SCUBE1: variants seen among roughly 807,000 people sequenced by gnomAD.
SCUBE1 encodes signal peptide, CUB domain and EGF like domain containing 1, also known as signal peptide, CUB and EGF-like domain-containing protein 1.
In SCUBE1, 59 loss-of-function variants were observed where a neutral mutation model predicts 124.4. The observed-to-expected ratio is 0.47, with a 90% CI of 0.38 to 0.59. SCUBE1 has a LOEUF of 0.59. SCUBE1 is among the 20% of genes least tolerant of loss of function. The pLI, the probability that SCUBE1 is intolerant of heterozygous loss-of-function variation, is 0.00. For missense variants in SCUBE1, 1,150 were observed against 1,371.2 expected (o/e 0.84, Z 2.55); for synonymous variants, 545 against 550.9 (o/e 0.99, Z 0.15).
intron 4 of SCUBE1, among the ~76,000 whole-genome samples, chr22:43,290,353 T>TCCTCCAA (rs1925311330): frequency 6.6e-6 from 1 of 152,170 alleles, no homozygotes; most frequent in African/African-American, 2.4e-5. Flanking sequence ...CCTGGCTTTC[T>TCCTCCAA]GGACAGCTCT....
In SCUBE1 at chr22:43,202,679, A is replaced by C. The variant is rs1921053334; in HGVS notation, c.*1318T>G. The C allele has an allele frequency of 6.6e-6, 1 of 152,156 alleles. No homozygotes were observed. Among genetic ancestry groups the C allele is most frequent in the South Asian group, 2.1e-4 (1 of 4,828 alleles). The allele number at this position is 152,156 out of a possible 1,614,324, so 9.4% of individuals were successfully genotyped here. ...CCCCTTCACCCTCCGCCATGATTGT[A>C]AGTTTCCTGAGGCCTCCCAAGCCAT... On this transcript the variant is annotated 3_prime_UTR_variant, in exon 22 of 22. Coordinates refer to ENST00000360835, the MANE Select transcript of SCUBE1 (RefSeq NM_173050.5).
At chr22:43,238,581 G>A in intron 7 of SCUBE1, 2 of 607,942 alleles carry the variant, frequency 3.3e-6, no homozygotes. Context: ...TCTGACATCA[G>A]TGCCTTTTTG....
chr22:43,266,643 C>A (rs1569002243), intron 4 of SCUBE1, among the ~76,000 whole-genome samples: 1 of 152,194 alleles, frequency 6.6e-6, no homozygotes, highest in Non-Finnish European at 1.5e-5. Flanking sequence ...GGGCTCCCAG[C>A]CTAAGTTCTC....
chr22:43,281,476 ACCTCCCTCTTTG>A (rs1377519277), intron 4 of SCUBE1, among the ~76,000 whole-genome samples: 31 of 54,712 alleles, frequency 5.7e-4, no homozygotes, highest in African/African-American at 3.1e-3. Flanking sequence ...CCCTCCTGTC[ACCTCCCTCTTTG>A]GCCACCCTCC....
intron 4 of SCUBE1, among the ~76,000 whole-genome samples, chr22:43,280,712 C>T (rs535988322): frequency 2.1e-3 from 137 of 64,956 alleles, no homozygotes; most frequent in Non-Finnish European, 3.1e-3. Flanking sequence ...CCTTCCTCCT[C>T]GGCCACCCTC....
chr22:43,306,899 G>A (rs561725396), intron 3 of SCUBE1, among the ~76,000 whole-genome samples: 18 of 152,322 alleles, frequency 1.2e-4, no homozygotes, highest in African/African-American at 4.1e-4. Flanking sequence ...CGCTGGCCGA[G>A]GGAGACAGGG....
Position 43,218,282 on chromosome 22 carries a change from C to T in SCUBE1, c.1864G>A (p.Gly622Ser), listed in dbSNP as rs1601803800. 1.2e-6 allele frequency: 2 copies of T among 1,613,204 alleles called. No homozygotes were observed. Among genetic ancestry groups the T allele is most frequent in the Non-Finnish European group, 1.7e-6 (2 of 1,179,996 alleles). The change falls in exon 15 of 22, where the codon GGC becomes AGC. Residue 622 changes from glycine to serine, a missense_variant. Physicochemically the swap from Gly to Ser is moderately conservative, Grantham distance 56. Transcript: ENST00000360835. ...CATTTGCTGTCCTGTAGCACCTGGCCTGCGCCACATGCCCCCTGCCCCTCC... is the reference window on the plus strand; with the variant it reads ...CATTTGCTGTCCTGTAGCACCTGGCTTGCGCCACATGCCCCCTGCCCCTCC... ...ALEGQGACGA[G>S]QVLQDSKCVA...
intron 2 of SCUBE1, among the ~76,000 whole-genome samples, chr22:43,321,239 T>C (rs1926543660): frequency 6.6e-6 from 1 of 152,218 alleles, no homozygotes; most frequent in Non-Finnish European, 1.5e-5. Context: ...AAAGTGGGGC[T>C]GGGGCCATCC....
In SCUBE1 at chr22:43,284,634, A is replaced by G. The variant is rs72619550; in HGVS notation, c.484+6412T>C. ...AGTTCCCTAACCTCTCAGTGCCTCA[A>G]GTTTCTTGATCTGGAAAATGGGGCA... On this transcript the variant is annotated intron_variant, in intron 4 of 21. Transcript: ENST00000360835. Among the ~76,000 whole-genome samples the G allele has an allele frequency of 6.4e-3, 978 of 152,344 alleles. 23 individuals carry two copies. In the East Asian group the frequency reaches 0.085, roughly 13 times the overall value.
intron 4 of SCUBE1, among the ~76,000 whole-genome samples, chr22:43,285,179 C>T (rs910805938): frequency 6.6e-6 from 1 of 152,102 alleles, no homozygotes; most frequent in African/African-American, 2.4e-5. Context: ...ATAGAGGACC[C>T]CTATTGTCTG....
chr22:43,329,930 A>C (rs1468676794), intron 2 of SCUBE1, among the ~76,000 whole-genome samples: 5 of 152,126 alleles, frequency 3.3e-5, no homozygotes, highest in Non-Finnish European at 7.4e-5. Context: ...CTGTAATAAG[A>C]AGCGGCTAAG....
At chr22:43,267,747 G>C (rs1467687220) in intron 4 of SCUBE1, among the ~76,000 whole-genome samples, 3 of 152,178 alleles carry the variant, frequency 2.0e-5, no homozygotes, top group Admixed American at 2.0e-4. Flanking sequence ...CTGTGCCTCC[G>C]AACCTCAGAG....
chr22:43,266,075 A>G (rs968891502), intron 4 of SCUBE1, among the ~76,000 whole-genome samples: 1 of 152,178 alleles, frequency 6.6e-6, no homozygotes, highest in African/African-American at 2.4e-5. Context: ...CACTGCAGCC[A>G]GGGCGACAGA....
At chr22:43,317,675 G>A (rs2146781943) in intron 3 of SCUBE1, among the ~76,000 whole-genome samples, 1 of 152,370 alleles carries the variant, frequency 6.6e-6, no homozygotes, top group Non-Finnish European at 1.5e-5. Flanking sequence ...TGCTTTGAGA[G>A]CCACGTGTTT....
At chr22:43,259,610 G>C (rs999096194) in intron 5 of SCUBE1, among the ~76,000 whole-genome samples, 3 of 152,174 alleles carry the variant, frequency 2.0e-5, no homozygotes, top group Non-Finnish European at 4.4e-5. Context: ...CTGCCCACCT[G>C]TCCTGAGTGA....
At chr22:43,304,363 C>T (rs1047998940) in intron 3 of SCUBE1, among the ~76,000 whole-genome samples, 3 of 152,222 alleles carry the variant, frequency 2.0e-5, no homozygotes, top group Non-Finnish European at 1.5e-5. Flanking sequence ...AAAGACGAGG[C>T]CAAGGCCTGC....
intron 15 of SCUBE1, among the ~76,000 whole-genome samples, chr22:43,218,038 A>G (rs1372140105): frequency 1.7e-4 from 25 of 148,712 alleles, no homozygotes; most frequent in Admixed American, 1.7e-3. Context: ...GTCCCTCCTC[A>G]GACTGTGATC....
intron 2 of SCUBE1, among the ~76,000 whole-genome samples, chr22:43,325,387 G>C (rs747516215): frequency 5.4e-5 from 8 of 147,812 alleles, no homozygotes; most frequent in Non-Finnish European, 1.2e-4. Context: ...AGGTTGCGAT[G>C]AGCCGAGATC....
Position 43,207,567 on chromosome 22 carries a change from C to T in SCUBE1, c.2781G>A (p.Leu927=), listed in dbSNP as rs554256463. ...TTTCCTGGTGGTTCTCCGAGGCGTACAGGCGCCCATCGCGCACGATGTCCT... is the reference window on the plus strand; with the variant it reads ...TTTCCTGGTGGTTCTCCGAGGCGTATAGGCGCCCATCGCGCACGATGTCCT... ...LIEDIVRDGR[L]YASENHQEIL... Residue 927 remains leucine, a synonymous_variant, in exon 21 of 22, where the codon CTG becomes CTA. Transcript: ENST00000360835. The T allele has an allele frequency of 1.2e-6, 2 of 1,614,076 alleles. No homozygotes were observed. Among genetic ancestry groups the T allele is most frequent in the East Asian group, 2.2e-5 (1 of 44,888 alleles).
Sources: allele counts gnomAD v4.1 joint callset (sites outside exome capture counted in the v4.1 genomes callset), GRCh38; gene constraint gnomAD v4.1.1; transcripts MANE v1.5; gene names NCBI Gene and HGNC (gene_info 2026-07-23, HGNC 2026-07-21).